Variants in GK5 observed in about 807,000 individuals in gnomAD.
GK5 encodes the protein glycerol kinase 5.
A neutral mutation model predicts 77.3 loss-of-function variants in GK5; 39 were observed. The observed-to-expected ratio is 0.50, with a 90% confidence interval of 0.39 to 0.66. The LOEUF is 0.66. GK5 is among the 30% of genes least tolerant of loss of function. The pLI is 0.00. For synonymous variants in GK5, 211 were observed against 208.0 expected (o/e 1.01, Z -0.13); for missense variants, 487 against 633.8 (o/e 0.77, Z 2.49).
rs1178515567 is a variant in GK5, at chr3:142,159,349, C to G, written c.*6273G>C. ...ATAAGATTCATTTAAATGGGAGTCT[C>G]TATATCATTTGTTTCCTAAACATCA... is the stretch of plus-strand genomic sequence containing the variant. On this transcript the variant is annotated 3_prime_UTR_variant, in exon 16 of 16. Coordinates refer to ENST00000392993, the MANE Select transcript of GK5 (RefSeq NM_001039547.3). The G allele has an allele frequency of 1.3e-5, 2 of 152,180 alleles. No individual in the cohort carries two copies. Among genetic ancestry groups the G allele is most frequent in the Non-Finnish European group, 2.9e-5 (2 of 68,042 alleles). The allele number at this position is 152,180 out of a possible 1,614,324, so 9.4% of individuals were successfully genotyped here.
chr3:142,199,895 T>C (rs1261018173), intron 4 of GK5, among the ~76,000 whole-genome samples: 2 of 152,092 alleles, frequency 1.3e-5, no homozygotes, highest in African/African-American at 4.8e-5. Context: ...TACCCACTTT[T>C]GTTAATCCTA....
chr3:142,195,175 A>G lies in GK5; in HGVS notation c.543+3627T>C, dbSNP rs150667835. On this transcript the variant is annotated intron_variant, in intron 5 of 15. Transcript: ENST00000392993. ...TTAATATGGTGTATATTAATTTTCT[A>G]TTTTTTTACATTTACCAGTTTTTAT... Among the ~76,000 whole-genome samples, 737 of 151,742 alleles carry G rather than the reference A, an allele frequency of 4.9e-3. 15 individuals are homozygous for G. Among genetic ancestry groups the G allele is most frequent in the African/African-American group, 0.017 (721 of 41,350 alleles).
At chr3:142,176,658 ATTTTTTTT>A (rs1219207632) in intron 12 of GK5, among the ~76,000 whole-genome samples, 2 of 105,190 alleles carry the variant, frequency 1.9e-5, no homozygotes, top group African/African-American at 3.8e-5. Flanking sequence ...GGAGATTTTG[ATTTTTTTT>A]TTTTTTTTTT....
intron 5 of GK5, among the ~76,000 whole-genome samples, chr3:142,193,631 TTAACTG>T (rs2063886877): frequency 6.6e-6 from 1 of 152,218 alleles, no homozygotes; most frequent in Admixed American, 6.5e-5. Context: ...TAGGCCTTCA[TTAACTG>T]TATTCAACAA....
rs397943912 is a variant in GK5 at position 142,157,957 on chromosome 3, GTTTTT to G, written c.*7660_*7664del. The stretch of plus-strand genomic sequence containing the variant: ...TTTTGTTGTTGTTGTTGTTGTTTTT[GTTTTT>G]TTTTTTTGAGATGGAGTCTCACTCT... On this transcript the variant is annotated 3_prime_UTR_variant, in exon 16 of 16. Coordinates refer to ENST00000392993, the MANE Select transcript of GK5 (RefSeq NM_001039547.3). The G allele has an allele frequency of 7.0e-6, 1 of 142,904 alleles. No individual in the cohort carries two copies. Among genetic ancestry groups the G allele is most frequent in the Non-Finnish European group, 1.5e-5 (1 of 65,038 alleles). The allele number at this position is 142,904 out of a possible 1,614,324, so 8.9% of individuals were successfully genotyped here. A position where few individuals can be genotyped will look rare whatever the true frequency, so the allele number is the denominator to read the frequency against.
rs1278340194 is a variant in GK5, at chr3:142,162,425, A to G, written c.*3197T>C. ...ATAAAGTACAGCATAGCATCCCAAA[A>G]TAAAGATTTATCCAGTCCAAAATGT... is the stretch of plus-strand genomic sequence containing the variant. On this transcript the variant is annotated 3_prime_UTR_variant, in exon 16 of 16. Transcript: ENST00000392993. The G allele has an allele frequency of 2.6e-5, 4 of 152,228 alleles. No individual in the cohort carries two copies. The highest frequency in any genetic ancestry group is 5.9e-5 in the Non-Finnish European group (4 of 68,044). The allele number at this position is 152,228 out of a possible 1,614,324, so 9.4% of individuals were successfully genotyped here.
Position 142,199,241 on chromosome 3 carries a change from T to C in GK5, c.412-308A>G, listed in dbSNP as rs80104894. Among the ~76,000 whole-genome samples the C allele has an allele frequency of 3.0e-3, 458 of 152,218 alleles. 5 individuals are homozygous for C. Among genetic ancestry groups the C allele is most frequent in the Non-Finnish European group, 1.7e-3 (113 of 67,986 alleles). ...CCTCTCTACCTATTTTTAACTATGA[T>C]AGTTAAAGGAGAGAATCTAGGAAGG... On this transcript the variant is annotated intron_variant, in intron 4 of 15. Coordinates refer to ENST00000392993, the MANE Select transcript of GK5 (RefSeq NM_001039547.3).
intron 9 of GK5, among the ~76,000 whole-genome samples, chr3:142,184,227 C>G (rs1354653886): frequency 1.7e-5 from 2 of 119,550 alleles, no homozygotes; most frequent in African/African-American, 6.8e-5. Context: ...CACCACTGCA[C>G]TCTAGCCTGG....
Position 142,225,510 on chromosome 3 carries a change from A to G in GK5, c.-55T>C, listed in dbSNP as rs1459923830. 7.7e-6 allele frequency: 12 copies of G among 1,567,346 alleles called. No individual in the cohort carries two copies. Among genetic ancestry groups the G allele is most frequent in the Non-Finnish European group, 1.0e-5 (12 of 1,164,344 alleles). ...CGCCTACCCAGAGGGCGCGCTACAA[A>G]TCCCAATGCTCCAGAGTCCCCGGGC... On this transcript the variant is annotated 5_prime_UTR_variant, in exon 1 of 16. Coordinates refer to ENST00000392993, the MANE Select transcript of GK5 (RefSeq NM_001039547.3).
chr3:142,199,432 GC>G (rs1333115477), intron 4 of GK5, among the ~76,000 whole-genome samples: 1 of 151,926 alleles, frequency 6.6e-6, no homozygotes, highest in Non-Finnish European at 1.5e-5. Context: ...GATTTTGAAG[GC>G]TCATAGTCCA....
intron 12 of GK5, among the ~76,000 whole-genome samples, chr3:142,174,468 G>GT (rs1181531791): frequency 1.3e-5 from 2 of 152,172 alleles, no homozygotes; most frequent in African/African-American, 2.4e-5. Context: ...AATATGCTAT[G>GT]TTTTTTTCCT....
chr3:142,218,894 G>A (rs992363234), intron 1 of GK5, among the ~76,000 whole-genome samples: 5 of 151,972 alleles, frequency 3.3e-5, no homozygotes, highest in African/African-American at 4.8e-5. Flanking sequence ...TTCAAAACTC[G>A]ACAGTAAGAA....
intron 1 of GK5, among the ~76,000 whole-genome samples, chr3:142,224,902 C>G (rs2064405706): frequency 6.6e-6 from 1 of 152,206 alleles, no homozygotes. Flanking sequence ...GGTGGGAGAT[C>G]TATCAGGGAA....
At chr3:142,202,952 G>C (rs1454915923) in intron 4 of GK5, among the ~76,000 whole-genome samples, 3 of 151,980 alleles carry the variant, frequency 2.0e-5, no homozygotes, top group Non-Finnish European at 2.9e-5. Context: ...TGAAATATGA[G>C]ACATATTACA....
At chr3:142,194,296 C>A (rs1366647560) in intron 5 of GK5, among the ~76,000 whole-genome samples, 1 of 151,962 alleles carries the variant, frequency 6.6e-6, no homozygotes, top group South Asian at 2.1e-4. Flanking sequence ...AAGGTCGAGG[C>A]GGGCAGATCA....
intron 12 of GK5, among the ~76,000 whole-genome samples, chr3:142,175,891 T>A (rs1354401591): frequency 6.7e-6 from 1 of 150,042 alleles, no homozygotes; most frequent in Non-Finnish European, 1.5e-5. Flanking sequence ...TGTGAGGTGA[T>A]AGAGAAGTCA....
At chr3:142,170,812 G>C (rs890221513) in intron 14 of GK5, among the ~76,000 whole-genome samples, 1 of 152,020 alleles carries the variant, frequency 6.6e-6, no homozygotes, top group Non-Finnish European at 1.5e-5. Flanking sequence ...ACCCAAAAAA[G>C]AGATTTTAAA....
intron 4 of GK5, among the ~76,000 whole-genome samples, chr3:142,201,679 C>T (rs2064026931): frequency 6.6e-6 from 1 of 151,980 alleles, no homozygotes; most frequent in African/African-American, 2.4e-5. Context: ...TAAAGTAAAA[C>T]TGGGGAAATC....
At chr3:142,220,714 T>C (rs2064333030) in intron 1 of GK5, among the ~76,000 whole-genome samples, 1 of 152,184 alleles carries the variant, frequency 6.6e-6, no homozygotes, top group African/African-American at 2.4e-5. Flanking sequence ...TATGGTTTCT[T>C]AGATATTCCA....
Sources: allele counts gnomAD v4.1 joint callset (sites outside exome capture counted in the v4.1 genomes callset), GRCh38; gene constraint gnomAD v4.1.1; transcripts MANE v1.5; gene names NCBI Gene and HGNC (gene_info 2026-07-23, HGNC 2026-07-21).